The following MDN1 variants were observed in gnomAD, a reference collection of about 807,000 sequenced individuals.
MDN1 encodes midasin AAA ATPase 1, also known as midasin.
MDN1 carries 266 observed loss-of-function variants against 669.2 expected under a neutral mutation model. The ratio of observed to expected loss-of-function variants is 0.40; its 90% CI spans 0.36 to 0.44. The LOEUF is 0.44. Among genes scored for constraint, MDN1 ranks in the 20% least tolerant of loss-of-function variants. The pLI is 1.00. For missense variants in MDN1, 5,940 were observed against 6,754.0 expected, an observed-to-expected ratio of 0.88 and a Z score of 4.22; for synonymous variants, 2,385 against 2,457.1, an observed-to-expected ratio of 0.97 and a Z score of 0.87.
At chr6:89,772,551 A>G in intron 14 of MDN1, 22 bp downstream of exon 14, 1 of 1,604,170 alleles carries the variant, frequency 6.2e-7, no homozygotes, top group South Asian at 1.1e-5. Flanking sequence ...CTGGGGGCAG[A>G]TTTATTTCCT....
intron 33 of MDN1, among the ~76,000 whole-genome samples, chr6:89,737,639 TAATAAA>T (rs1816061658): frequency 6.6e-6 from 1 of 152,002 alleles, no homozygotes; most frequent in African/African-American, 2.4e-5. Context: ...AGATTTTTCA[TAATAAA>T]AATTATTTAA....
rs557051163 is a variant in MDN1 at position 89,755,185 on chromosome 6, G to C, written c.2817-955C>G. On this transcript the variant is annotated intron_variant, in intron 20 of 101. Transcript: ENST00000369393. ...GCTACCAAAAAGTATTCCAATTTAG[G>C]GTGTGTTGTGGTAAACCATTCTGAA... Among the ~76,000 whole-genome samples the C allele has an allele frequency of 8.6e-5, 13 of 151,812 alleles. No homozygotes were observed. The East Asian group carries it at 2.1e-3, about 25-fold the overall frequency.
In MDN1 at chr6:89,683,825, G is replaced by T; in HGVS notation, c.11903+6C>A. The T allele has an allele frequency of 6.2e-7, 1 of 1,610,288 alleles. No individual in the cohort carries two copies. Among genetic ancestry groups the T allele is most frequent in the South Asian group, 1.1e-5 (1 of 90,798 alleles). ...TGGTTGTCTCCAGTTTTAAAAGATG[G>T]ATTACCTGTGTGTCTTTTCTACAGA... is the stretch of plus-strand genomic sequence containing the variant. On this transcript the variant is annotated splice_donor_region_variant and intron_variant, in intron 72 of 101. Transcript: ENST00000369393.
chr6:89,792,667 CATTTTA>C (rs1208301763), intron 5 of MDN1, among the ~76,000 whole-genome samples: 1 of 144,660 alleles, frequency 6.9e-6, no homozygotes, highest in Admixed American at 7.0e-5. Context: ...ATGTATATTA[CATTTTA>C]ATTTTTTTTT....
At chr6:89,659,472 A>G (rs1375875877) in intron 88 of MDN1, among the ~76,000 whole-genome samples, 2 of 152,282 alleles carry the variant, frequency 1.3e-5, no homozygotes, top group African/African-American at 4.8e-5. Context: ...CTGCAACAGC[A>G]GAACTGAGTG....
At chr6:89,729,745 C>T (rs1815473280) in intron 35 of MDN1, among the ~76,000 whole-genome samples, 1 of 131,338 alleles carries the variant, frequency 7.6e-6, no homozygotes. Context: ...TTTATTACCT[C>T]ACCCTTGGTA....
At chr6:89,779,302 T>A (rs561971569) in intron 11 of MDN1, among the ~76,000 whole-genome samples, 1 of 152,322 alleles carries the variant, frequency 6.6e-6, no homozygotes, top group East Asian at 1.9e-4. Context: ...AACATCCAAC[T>A]CCTTTTGTTC....
intron 26 of MDN1, among the ~76,000 whole-genome samples, chr6:89,747,844 CTG>C (rs1816735703): frequency 1.5e-5 from 2 of 130,066 alleles, no homozygotes; most frequent in Non-Finnish European, 3.1e-5. Context: ...TGAGCCGAGA[CTG>C]CGCCACTGCA....
chr6:89,790,363 G>C lies in MDN1; in HGVS notation c.894C>G (p.Ala298=), dbSNP rs754566931. ...ACTCAACCAGCACATAAGACCTAAG[G>C]GCCAGCTCCTGTTCACGTGAAGAAC... ...NRSSSREQEL[A]LRSYVLVESV... Residue 298 remains alanine, a synonymous_variant, in exon 6 of 102, where the codon GCC becomes GCG. Coordinates refer to ENST00000369393, the MANE Select transcript of MDN1 (RefSeq NM_014611.3). The C allele has an allele frequency of 3.1e-6, 5 of 1,613,936 alleles. No homozygotes were observed. In the Admixed American group the frequency reaches 6.7e-5, roughly 22 times the overall value.
At position 89,715,766 on chromosome 6, in the gene MDN1, T is replaced by C. The variant is rs1159975758; in HGVS notation, c.6747A>G (p.Pro2249=). The C allele has an allele frequency of 6.2e-7, 1 of 1,602,600 alleles. No individual in the cohort carries two copies. The highest frequency in any genetic ancestry group is 8.6e-7 in the Non-Finnish European group (1 of 1,169,558). Residue 2249 remains proline (P), a synonymous_variant, in exon 45 of 102, where the codon CCA becomes CCG. Transcript: ENST00000369393. ...LLMDNVNFCN[P]SVLDRLNALL... ...AAGCATTCAAACGATCCAACACTGA[T>C]GGGCTGCAGAGACAGAATTCAGATG...
At chr6:89,651,930 TA>T (rs5878105) in intron 95 of MDN1, among the ~76,000 whole-genome samples, 127,916 of 152,144 alleles carry the variant, frequency 0.84, 53,976 homozygotes, top group East Asian at 1. Context: ...TCACAACTAT[TA>T]ACATCCATTA....
rs1374809751 is a variant in MDN1, at chr6:89,650,039, G to A, written c.16191C>T (p.Asp5397=). Residue 5397 remains aspartate (D), a synonymous_variant, in exon 97 of 102, where the codon GAC becomes GAT. Transcript: ENST00000369393. The part of the protein sequence containing the change: ...LAIDDSSSMV[D]NHTKQLAFES... Reference sequence around the variant, plus strand: ...TCTTCCTTACCTGCTTGGTATGATTGTCTACCATACTAGAAGAGTCATCGA... The same window carrying A: ...TCTTCCTTACCTGCTTGGTATGATTATCTACCATACTAGAAGAGTCATCGA... The A allele has an allele frequency of 6.2e-7, 1 of 1,614,022 alleles. No individual in the cohort carries two copies. Among genetic ancestry groups the A allele is most frequent in the Non-Finnish European group, 8.5e-7 (1 of 1,180,004 alleles).
intron 26 of MDN1, among the ~76,000 whole-genome samples, chr6:89,747,840 G>A (rs1304236051): frequency 2.9e-5 from 4 of 139,846 alleles, no homozygotes; most frequent in Non-Finnish European, 6.0e-5. Flanking sequence ...GCAGTGAGCC[G>A]AGACTGCGCC....
chr6:89,696,639 G>A, intron 59 of MDN1, 65 bp from the exon 60 acceptor site: 2 of 1,281,644 alleles, frequency 1.6e-6, no homozygotes, highest in Non-Finnish European at 2.2e-6. Context: ...GCAGCATTAG[G>A]GAACCTGAGA....
At position 89,672,387 on chromosome 6, in the gene MDN1, T is replaced by C. The variant is rs141847342; in HGVS notation, c.13631-24A>G. 4.8e-4 allele frequency: 765 copies of C among 1,609,136 alleles called. 2 individuals are homozygous for C. The African/African-American group carries it at 9.2e-3, about 19-fold the overall frequency. ...TGCTGCCTCATTCATTCAGAGAAAA[T>C]AACAACATGATGAATAACAGAAAAC... On this transcript the variant is annotated intron_variant, in intron 81 of 101. Transcript: ENST00000369393.
chr6:89,780,246 G>T lies in MDN1; in HGVS notation c.1691C>A (p.Ser564Ter). The change falls in exon 11 of 102, where the codon TCA becomes TAA. Residue 564 changes from serine (S) to a stop codon, truncating the protein, a stop_gained. Coordinates refer to ENST00000369393, the MANE Select transcript of MDN1 (RefSeq NM_014611.3). LOFTEE classifies it high-confidence loss of function. ...AATATTTAATGATGCTGATAAAGATGAACTGTCAAAGCTATGGGCAATCCT... is the reference window on the plus strand; with the variant it reads ...AATATTTAATGATGCTGATAAAGATTAACTGTCAAAGCTATGGGCAATCCT... ...CNRIAHSFDS[S>*]SLSASLNIFQ... 6.3e-7 allele frequency: 1 copy of T among 1,585,318 alleles called. No individual in the cohort carries two copies. The highest frequency in any genetic ancestry group is 1.2e-5 in the South Asian group (1 of 84,380).
chr6:89,702,008 T>A lies in MDN1; in HGVS notation c.8202A>T (p.Val2734=). Residue 2734 remains valine, a synonymous_variant, in exon 54 of 102, where the codon GTA becomes GTT. Transcript: ENST00000369393. ...RDRFWTVADT[V]KVDAPGLALL... ...GGGCCAGACCTGGGGCATCTACTTTTACTGTGTCGGCCACAGTCCAGAACC... is the reference window on the plus strand; with the variant it reads ...GGGCCAGACCTGGGGCATCTACTTTAACTGTGTCGGCCACAGTCCAGAACC... 1 of 1,613,870 alleles carries A rather than the reference T, an allele frequency of 6.2e-7. No homozygotes were observed. Among genetic ancestry groups the A allele is most frequent in the Non-Finnish European group, 8.5e-7 (1 of 1,179,768 alleles).
At position 89,668,052 on chromosome 6, in the gene MDN1, T is replaced by A; in HGVS notation, c.14056A>T (p.Met4686Leu). ...CCGATCTGGTCACTCACATCCTTCA[T>A]GCCCTCGCCTTCTCCAATTCCACCT... is the stretch of plus-strand genomic sequence containing the variant. ...EGGGIGEGEG[M>L]KDVSDQIGNE... Residue 4686 changes from methionine (M) to leucine (L), a missense_variant, in exon 84 of 102, where the codon ATG becomes TTG. Coordinates refer to ENST00000369393, the MANE Select transcript of MDN1 (RefSeq NM_014611.3). 9.3e-6 allele frequency: 15 copies of A among 1,614,168 alleles called. No individual in the cohort carries two copies. The highest frequency in any genetic ancestry group is 1.3e-5 in the Non-Finnish European group (15 of 1,180,010).
In MDN1 at chr6:89,683,893, C is replaced by G. The variant is rs1811820921; in HGVS notation, c.11841G>C (p.Lys3947Asn). 1 of 1,612,322 alleles carries G rather than the reference C, an allele frequency of 6.2e-7. No individual in the cohort carries two copies. The highest frequency in any genetic ancestry group is 8.5e-7 in the Non-Finnish European group (1 of 1,178,682). The change falls in exon 72 of 102, where the codon AAG (lysine) becomes AAC (asparagine). Residue 3947 changes from lysine (K) to asparagine (N), a missense_variant. Physicochemically the swap from Lys to Asn is moderately conservative, Grantham distance 94 (BLOSUM62 0). This residue lies in a region of MDN1 where 2,280 missense variants were observed against 2,576.3 expected (regional missense o/e 0.88). Transcript: ENST00000369393. ...AGCTGACATCATTCCACTTGGAAAT[C>G]TTAACAAATTCCTGTAAGATAAATG... ...PLEKELKEFV[K>N]ISKWNDVSFW...
Sources: gnomAD v4.1 joint callset for allele counts (sites outside exome capture counted in the v4.1 genomes callset) on GRCh38, gnomAD v4.1.1 for gene constraint, gnomAD v4.1.1 regional missense constraint, MANE v1.5 for transcripts, NCBI Gene and HGNC (gene_info 2026-07-23, HGNC 2026-07-21) for gene names.